TENM2: variants seen among roughly 807,000 people sequenced by gnomAD.
TENM2 encodes teneurin transmembrane protein 2.
In TENM2, 52 loss-of-function variants were observed where a neutral mutation model predicts 245.2. The ratio of observed to expected loss-of-function variants is 0.21; its 90% confidence interval spans 0.17 to 0.27. The LOEUF (loss-of-function observed/expected upper bound fraction) is 0.27. TENM2 is among the 10% of genes least tolerant of loss of function. The pLI is 1.00. For missense variants in TENM2, 3,046 were observed against 3,666.8 expected, an observed-to-expected ratio of 0.83 and a Z score of 4.37; for synonymous variants, 1,363 against 1,438.9, an observed-to-expected ratio of 0.95 and a Z score of 1.19.
chr5:167,820,239 A>T (rs954343914), intron 2 of TENM2, among the ~76,000 whole-genome samples: 6 of 152,130 alleles, frequency 3.9e-5, no homozygotes, highest in Non-Finnish European at 8.8e-5. Flanking sequence ...TGAATCAGGG[A>T]AGAGAGGGGG....
the TENM2 span, among the ~76,000 whole-genome samples, chr5:167,226,974 A>T: frequency 0.21 from 31,308 of 151,626 alleles, 3,779 homozygotes; most frequent in African/African-American, 0.33. Flanking sequence ...ATATAATGTA[A>T]ATATATTACT....
the TENM2 span, among the ~76,000 whole-genome samples, chr5:167,073,953 T>C: frequency 6.6e-5 from 10 of 152,310 alleles, 1 homozygote; most frequent in East Asian, 1.9e-3. Context: ...ATAACAAATG[T>C]TTCTCTCAGG....
chr5:167,509,738 G>A (rs1443515555), intron 2 of TENM2, among the ~76,000 whole-genome samples: 1 of 152,144 alleles, frequency 6.6e-6, no homozygotes, highest in Non-Finnish European at 1.5e-5. Flanking sequence ...CAGAGGCATT[G>A]CCTCACATAA....
At chr5:167,916,934 G>C (rs145214246) in intron 3 of TENM2, among the ~76,000 whole-genome samples, 200 of 152,260 alleles carry the variant, frequency 1.3e-3, no homozygotes, top group African/African-American at 4.6e-3. Flanking sequence ...TGCTTAAGCA[G>C]GGAGCTGCTT....
At chr5:167,080,344 A>G in the TENM2 span, among the ~76,000 whole-genome samples, 253 of 152,326 alleles carry the variant, frequency 1.7e-3, no homozygotes, top group African/African-American at 5.6e-3. Flanking sequence ...TATGGGAACA[A>G]GAAGTGCTGA....
At chr5:167,213,514 T>C in the TENM2 span, among the ~76,000 whole-genome samples, 10 of 152,122 alleles carry the variant, frequency 6.6e-5, no homozygotes, top group African/African-American at 2.4e-4. Flanking sequence ...ACCAATCTAC[T>C]GGGGGTGAGG....
At chr5:167,221,441 G>A in the TENM2 span, among the ~76,000 whole-genome samples, 63 of 152,272 alleles carry the variant, frequency 4.1e-4, no homozygotes, top group South Asian at 1.7e-3. Flanking sequence ...ATGTGCAAAA[G>A]CAGGTAAAGA....
At chr5:168,005,949 G>A (rs1204711286) in intron 5 of TENM2, among the ~76,000 whole-genome samples, 3 of 152,146 alleles carry the variant, frequency 2.0e-5, no homozygotes, top group Admixed American at 6.5e-5. Flanking sequence ...ATATTCCTGG[G>A]AATATAAAAA....
intron 1 of TENM2, among the ~76,000 whole-genome samples, chr5:167,354,039 C>T (rs771924099): frequency 6.6e-6 from 1 of 152,150 alleles, no homozygotes; most frequent in Admixed American, 6.5e-5. Context: ...AATGGAACTA[C>T]GACCTTTTCT....
the TENM2 span, among the ~76,000 whole-genome samples, chr5:167,101,180 T>C: frequency 2.2e-4 from 34 of 152,350 alleles, no homozygotes; most frequent in African/African-American, 8.2e-4. Context: ...GCAACAGTGT[T>C]ATAAATGATC....
intron 6 of TENM2, among the ~76,000 whole-genome samples, chr5:168,052,418 A>T (rs1438868494): frequency 6.6e-6 from 1 of 151,922 alleles, no homozygotes; most frequent in Non-Finnish European, 1.5e-5. Flanking sequence ...ACACACACAC[A>T]CATATATATG....
At chr5:168,200,337 A>G (rs1562274100) in intron 17 of TENM2, among the ~76,000 whole-genome samples, 1 of 152,244 alleles carries the variant, frequency 6.6e-6, no homozygotes, top group Non-Finnish European at 1.5e-5. Context: ...ACAAAGAAAT[A>G]TCAAGCAAGA....
At chr5:167,827,625 G>GGGC (rs1554126445) in intron 2 of TENM2, among the ~76,000 whole-genome samples, 2 of 109,084 alleles carry the variant, frequency 1.8e-5, no homozygotes, top group East Asian at 2.9e-4. Flanking sequence ...GGAGCTAGGT[G>GGGC]GGCGGGGGGG....
At chr5:167,483,984 G>A (rs1034081091) in intron 2 of TENM2, among the ~76,000 whole-genome samples, 1 of 152,194 alleles carries the variant, frequency 6.6e-6, no homozygotes, top group East Asian at 1.9e-4. Context: ...TTGTTGTATG[G>A]GCTAGTGGGA....
At chr5:167,319,753 T>C (rs1031119873) in intron 1 of TENM2, among the ~76,000 whole-genome samples, 1 of 152,224 alleles carries the variant, frequency 6.6e-6, no homozygotes, top group Admixed American at 6.5e-5. Flanking sequence ...GCAGGATGAC[T>C]TGTCTTTGAA....
At chr5:167,627,278 C>A (rs1269292790) in intron 2 of TENM2, among the ~76,000 whole-genome samples, 1 of 152,154 alleles carries the variant, frequency 6.6e-6, no homozygotes, top group African/African-American at 2.4e-5. Flanking sequence ...ACAGCAATTT[C>A]AGCTATTAAC....
chr5:167,394,075 A>G (rs1405651983), intron 2 of TENM2, among the ~76,000 whole-genome samples: 3 of 152,118 alleles, frequency 2.0e-5, no homozygotes, highest in Non-Finnish European at 2.9e-5. Context: ...CATTCCGTAG[A>G]TTGCATTTTC....
chr5:167,996,652 T>G (rs987729966), intron 5 of TENM2, among the ~76,000 whole-genome samples: 7 of 152,234 alleles, frequency 4.6e-5, no homozygotes, highest in African/African-American at 1.7e-4. Context: ...CTTGATAGTA[T>G]GCATAACAAT....
chr5:167,392,864 A>G (rs1761837087), intron 2 of TENM2, among the ~76,000 whole-genome samples: 1 of 152,152 alleles, frequency 6.6e-6, no homozygotes, highest in African/African-American at 2.4e-5. Context: ...ATATTCATTA[A>G]CAAACTAGAA....
Sources: gnomAD v4.1 joint callset for allele counts (sites outside exome capture counted in the v4.1 genomes callset) on GRCh38, gnomAD v4.1.1 for gene constraint, MANE v1.5 for transcripts, NCBI Gene and HGNC (gene_info 2026-07-23, HGNC 2026-07-21) for gene names.